ARHGEF1: variants seen among roughly 807,000 people sequenced by gnomAD.
ARHGEF1 encodes the protein Rho guanine nucleotide exchange factor 1, also known as 115 kDa guanine nucleotide exchange factor.
ARHGEF1 carries 40 observed loss-of-function variants against 119.7 expected under a neutral mutation model. The observed-to-expected ratio is 0.33, with a 90% CI of 0.26 to 0.44. The LOEUF is 0.44. ARHGEF1 is among the 20% of genes least tolerant of loss of function. ARHGEF1 has a pLI of 1.00. For missense variants in ARHGEF1, 976 were observed against 1,268.3 expected, an observed-to-expected ratio of 0.77 and a Z score of 3.50; for synonymous variants, 494 against 521.0, an observed-to-expected ratio of 0.95 and a Z score of 0.71.
At chr19:41,884,530 ACT>A (rs1568806085) in intron 1 of ARHGEF1, 2 of 1,603,138 alleles carry the variant, frequency 1.2e-6, no homozygotes, top group Non-Finnish European at 1.7e-6. Flanking sequence ...TCAGACCCTG[ACT>A]CTGCACGTCC....
chr19:41,919,415 G>A (rs1470246300), upstream of ARHGEF1, among the ~76,000 whole-genome samples: 1 of 151,822 alleles, frequency 6.6e-6, no homozygotes, highest in Non-Finnish European at 1.5e-5. Flanking sequence ...TGCTCTTTAG[G>A]GCTGGACACA....
intron 1 of ARHGEF1, among the ~76,000 whole-genome samples, chr19:41,887,349 C>T (rs1345526274): frequency 2.6e-5 from 4 of 152,066 alleles, no homozygotes; most frequent in Admixed American, 6.6e-5. Context: ...CAGACCAAGG[C>T]GCACGTAGGG....
Position 41,905,356 on chromosome 19 carries a change from A to C in ARHGEF1, c.2336+95A>C. ...ACAACTCCAGAACCGTCTCTGTGTG[A>C]GCATGCACATGTGTGAATGCATGTG... On this transcript the variant is annotated intron_variant, in intron 24 of 28. Coordinates refer to ENST00000354532, the MANE Select transcript of ARHGEF1 (RefSeq NM_004706.4). The surrounding 1 kb of genome is among the most constrained non-coding windows in gnomAD (Gnocchi z 6.4). 8.9e-7 allele frequency: 1 copy of C among 1,127,468 alleles called. No homozygotes were observed. The highest frequency in any genetic ancestry group is 1.3e-6 in the Non-Finnish European group (1 of 784,268). The allele number at this position is 1,127,468 out of a possible 1,614,324, so 69.8% of individuals were successfully genotyped here.
At chr19:41,909,447 G>A, downstream of ARHGEF1, 1 of 1,239,202 alleles carries the variant, frequency 8.1e-7, no homozygotes, top group South Asian at 4.0e-5. The surrounding 1 kb of genome is among the most constrained non-coding windows in gnomAD (Gnocchi z 5.2). Context: ...TGGTCTTGTG[G>A]AGAATCCGCT....
Position 41,889,425 on chromosome 19 carries a change from G to T in ARHGEF1, c.225+560G>T, listed in dbSNP as rs1164493405. ...GATCCAGAAGCCTCCGGATGAGGCAGAAGATACCTGGGAGATGTGGATGGA... is the reference window on the plus strand; with the variant it reads ...GATCCAGAAGCCTCCGGATGAGGCATAAGATACCTGGGAGATGTGGATGGA... On this transcript the variant is annotated intron_variant, in intron 4 of 28. Coordinates refer to ENST00000354532, the MANE Select transcript of ARHGEF1 (RefSeq NM_004706.4). This position sits in a 1 kb window ranked among gnomAD's most constrained non-coding sequence, Gnocchi z 4.0. 2 of 152,458 alleles carry T rather than the reference G, an allele frequency of 1.3e-5. No homozygotes were observed. The highest frequency in any genetic ancestry group is 4.8e-5 in the African/African-American group (2 of 41,456). The allele number at this position is 152,458 out of a possible 1,614,324, so 9.4% of individuals were successfully genotyped here.
rs1555851615 is a variant in ARHGEF1, at chr19:41,914,633, CTGT to C, written c.1865+7831_1865+7833del. Among the ~76,000 whole-genome samples, 35 of 52,628 alleles carry C rather than the reference CTGT, an allele frequency of 6.7e-4. 6 individuals are homozygous for C. Among genetic ancestry groups the C allele is most frequent in the Non-Finnish European group, 9.5e-4 (28 of 29,482 alleles). The allele number at this position is 52,628 out of a possible 152,430, so 34.5% of individuals were successfully genotyped here. A position where few individuals can be genotyped will look rare whatever the true frequency, so the allele number is the denominator to read the frequency against. On this transcript the variant is annotated intron_variant, in intron 18 of 20. Transcript: ENST00000599589. ...CCCTCCCCTTCCACCATCTCTGTCT[CTGT>C]CTCTCCCTCCCTTTCCACCATCTCT...
chr19:41,908,273 C>T (rs1406734649), downstream of ARHGEF1: 11 of 1,231,492 alleles, frequency 8.9e-6, no homozygotes, highest in Non-Finnish European at 1.1e-5. The surrounding 1 kb of genome is among the most constrained non-coding windows in gnomAD (Gnocchi z 6.7). Flanking sequence ...TGGGGGGTGC[C>T]GGGAGACCCT....
downstream of ARHGEF1, chr19:41,908,259 G>C (rs2074729745): frequency 1.1e-5 from 13 of 1,231,670 alleles, no homozygotes; most frequent in Non-Finnish European, 1.2e-5. This position sits in a 1 kb window ranked among gnomAD's most constrained non-coding sequence, Gnocchi z 6.7. Flanking sequence ...GCCCGCCTTT[G>C]CCTTGGGGGG....
At chr19:41,891,945 G>T (rs1185061503) in intron 4 of ARHGEF1, 80 bp from the exon 5 acceptor site, 6 of 1,253,590 alleles carry the variant, frequency 4.8e-6, no homozygotes, top group Non-Finnish European at 6.7e-6. Flanking sequence ...GCCAGGAGGT[G>T]AGGAAGGCCC....
intron 18 of ARHGEF1, among the ~76,000 whole-genome samples, chr19:41,912,484 T>G (rs2145884963): frequency 6.6e-6 from 1 of 152,338 alleles, no homozygotes; most frequent in African/African-American, 2.4e-5. Flanking sequence ...CATCCGTGCC[T>G]GGCCTAGTGC....
rs371139860 is a variant in ARHGEF1 at position 41,895,508 on chromosome 19, G to A, written c.1015+22G>A. ...CCAGGTGAGAGTTTCCTGGGCCAGG[G>A]CTCCATGAGGCCCGGCGATCCAGGG... On this transcript the variant is annotated intron_variant, in intron 12 of 28. Coordinates refer to ENST00000354532, the MANE Select transcript of ARHGEF1 (RefSeq NM_004706.4). 2.2e-5 allele frequency: 35 copies of A among 1,574,282 alleles called. No individual in the cohort carries two copies. In the African/African-American group the frequency reaches 4.3e-4, roughly 19 times the overall value.
rs782545239 is a variant in ARHGEF1 at position 41,928,962 on chromosome 19, A to G, written c.274A>G (p.Thr92Ala). The G allele has an allele frequency of 1.6e-4, 73 of 455,468 alleles. 1 individual carries two copies. The highest frequency in any genetic ancestry group is 1.1e-3 in the South Asian group (70 of 64,436). 28.2% of individuals were successfully genotyped at this position (455,468 alleles called of 1,614,324 possible). ...CACACGCAGCCTGGATAGGAGATAC[A>G]CGGACAGAGGGACATATGGATACAG... The change falls in exon 2 of 3, where the codon ACG (threonine) becomes GCG (alanine). Residue 92 changes from threonine to alanine, a missense_variant. Transcript: ENST00000594417.
At chr19:41,896,550 A>G (rs2074490904) in intron 13 of ARHGEF1, 68 bp downstream of exon 13, 2 of 1,254,786 alleles carry the variant, frequency 1.6e-6, no homozygotes. Context: ...GTGCAGGGTC[A>G]CCGCTGCCAT....
upstream of ARHGEF1, among the ~76,000 whole-genome samples, chr19:41,919,655 T>C (rs2074825745): frequency 6.6e-6 from 1 of 151,972 alleles, no homozygotes; most frequent in Non-Finnish European, 1.5e-5. Flanking sequence ...CACAAGATTT[T>C]GGGGGCTCTT....
intron 12 of ARHGEF1, 33 bp from the exon 13 acceptor site, chr19:41,896,344 C>CA: frequency 7.7e-7 from 1 of 1,299,770 alleles, no homozygotes; most frequent in Non-Finnish European, 1.0e-6. Context: ...CCGCAGAGGC[C>CA]TTCCAGCCAG....
chr19:41,905,376 C>A lies in ARHGEF1; in HGVS notation c.2336+115C>A. The stretch of plus-strand genomic sequence containing the variant: ...GTGTGAGCATGCACATGTGTGAATG[C>A]ATGTGTGTGCATACATGTGTGTCTG... On this transcript the variant is annotated intron_variant, in intron 24 of 28. Transcript: ENST00000354532. This position sits in a 1 kb window ranked among gnomAD's most constrained non-coding sequence, Gnocchi z 6.4. The A allele has an allele frequency of 1.1e-6, 1 of 878,966 alleles. No individual in the cohort carries two copies. Among genetic ancestry groups the A allele is most frequent in the Non-Finnish European group, 1.7e-6 (1 of 571,480 alleles). The allele number at this position is 878,966 out of a possible 1,614,324, so 54.4% of individuals were successfully genotyped here. A position where few individuals can be genotyped will look rare whatever the true frequency, so the allele number is the denominator to read the frequency against.
Position 41,888,938 on chromosome 19 carries a change from G to A in ARHGEF1, c.225+73G>A. 5 of 1,268,946 alleles carry A rather than the reference G, an allele frequency of 3.9e-6. No individual in the cohort carries two copies. 78.6% of individuals were successfully genotyped at this position (1,268,946 alleles called of 1,614,324 possible). A position where few individuals can be genotyped will look rare whatever the true frequency, so the allele number is the denominator to read the frequency against. On this transcript the variant is annotated intron_variant, in intron 4 of 28. Transcript: ENST00000354532. This position sits in a 1 kb window ranked among gnomAD's most constrained non-coding sequence, Gnocchi z 5.1. ...GCACAGCTTTTAGCGAATTAAACCAGCGAGCTAGTGCCTGGAGGGTCTGGA... is the reference window on the plus strand; with the variant it reads ...GCACAGCTTTTAGCGAATTAAACCAACGAGCTAGTGCCTGGAGGGTCTGGA...
chr19:41,908,448 CCT>C, downstream of ARHGEF1: 4 of 1,231,356 alleles, frequency 3.2e-6, no homozygotes, highest in Non-Finnish European at 4.0e-6. This position sits in a 1 kb window ranked among gnomAD's most constrained non-coding sequence, Gnocchi z 6.7. Context: ...CAGGCCCTCC[CCT>C]GTCGAGGCCA....
At chr19:41,898,703 G>A in intron 14 of ARHGEF1, 116 bp downstream of exon 14, 1 of 1,341,162 alleles carries the variant, frequency 7.5e-7, no homozygotes, top group East Asian at 2.6e-5. Flanking sequence ...GGGAGAACTT[G>A]AAGGCAGCTT....
Sources: allele counts gnomAD v4.1 joint callset (sites outside exome capture counted in the v4.1 genomes callset), GRCh38; gene constraint gnomAD v4.1.1; non-coding constraint Gnocchi (gnomAD v3.1); transcripts MANE v1.5; gene names NCBI Gene and HGNC (gene_info 2026-07-23, HGNC 2026-07-21).